The following MTARC2 variants were observed in gnomAD, a reference collection of about 807,000 sequenced individuals.
The protein encoded by MTARC2 is MOCO sulphurase C-terminal domain containing 2.
In MTARC2, 27 loss-of-function variants were observed where a neutral mutation model predicts 35.6. The observed-to-expected ratio is 0.76, with a 90% CI of 0.56 to 1.04. The LOEUF is 1.04. Ranked by LOEUF, MTARC2 falls within the 50% of genes least tolerant of loss-of-function variation. MTARC2 has a pLI of 0.00. For synonymous variants in MTARC2, 158 were observed against 167.1 expected (o/e 0.95, Z 0.42); for missense variants, 412 against 432.5 (o/e 0.95, Z 0.42).
At chr1:220,781,259 T>C (rs1434792209) in intron 6 of MTARC2, among the ~76,000 whole-genome samples, 1 of 152,218 alleles carries the variant, frequency 6.6e-6, no homozygotes, top group African/African-American at 2.4e-5. Context: ...AGTTATTGTT[T>C]TCTTTAGACA....
At chr1:220,748,861 G>GA (rs1327481323) in intron 1 of MTARC2, 58 bp downstream of exon 1, 2 of 1,484,776 alleles carry the variant, frequency 1.3e-6, no homozygotes, top group Admixed American at 2.3e-5. Context: ...AGGAGCGGGG[G>GA]GGCAGGTGGG....
At chr1:220,751,057 CTG>C (rs1671111912) in intron 1 of MTARC2, among the ~76,000 whole-genome samples, 1 of 152,172 alleles carries the variant, frequency 6.6e-6, no homozygotes, top group Non-Finnish European at 1.5e-5. Context: ...GGAGAGAACT[CTG>C]TTTGATAGCC....
At chr1:220,780,313 T>C (rs901749207) in intron 6 of MTARC2, 74 bp downstream of exon 6, 56 of 1,330,598 alleles carry the variant, frequency 4.2e-5, no homozygotes, top group Non-Finnish European at 5.6e-5. Flanking sequence ...TTAGGTGCTA[T>C]GTCTGCTTTA....
At chr1:220,750,109 G>C (rs774349442) in intron 1 of MTARC2, among the ~76,000 whole-genome samples, 2 of 152,156 alleles carry the variant, frequency 1.3e-5, no homozygotes, top group Non-Finnish European at 2.9e-5. Flanking sequence ...GCCAACTCGT[G>C]TAGAATGTTT....
chr1:220,758,794 A>T (rs756873575), intron 2 of MTARC2, among the ~76,000 whole-genome samples: 3 of 151,968 alleles, frequency 2.0e-5, no homozygotes, highest in Non-Finnish European at 4.4e-5. Context: ...CCTATATTGA[A>T]TTTGTGGTTC....
rs1572287034 is a variant in MTARC2, at chr1:220,748,512, G to T, written c.-20G>T. ...CGCTGCCGGGTCTGTGCGCCGGTCC[G>T]CGCCCGCCCTCGCTCTGCCATGGGC... On this transcript the variant is annotated 5_prime_UTR_variant, in exon 1 of 8. Coordinates refer to ENST00000366913, the MANE Select transcript of MTARC2 (RefSeq NM_017898.5). The T allele has an allele frequency of 2.2e-6, 3 of 1,378,118 alleles. No individual in the cohort carries two copies. Among genetic ancestry groups the T allele is most frequent in the Non-Finnish European group, 2.8e-6 (3 of 1,076,692 alleles). The allele number at this position is 1,378,118 out of a possible 1,614,324, so 85.4% of individuals were successfully genotyped here. A position where few individuals can be genotyped will look rare whatever the true frequency, so the allele number is the denominator to read the frequency against.
chr1:220,782,669 C>T lies in MTARC2; in HGVS notation c.*31+737C>T, dbSNP rs72473907. Among the ~76,000 whole-genome samples, 318 of 152,314 alleles carry T rather than the reference C, an allele frequency of 2.1e-3. 2 individuals carry two copies. Among genetic ancestry groups the T allele is most frequent in the East Asian group, 0.019 (100 of 5,186 alleles). On this transcript the variant is annotated intron_variant, in intron 7 of 7. Coordinates refer to ENST00000366913, the MANE Select transcript of MTARC2 (RefSeq NM_017898.5). ...CTCTGATTCTGGCCTGAGCTTCTCA[C>T]GTGTGTTACTTGCCTTTGTAGTCTT...
chr1:220,754,894 G>A, intron 1 of MTARC2, 53 bp from the exon 2 acceptor site: 1 of 1,496,978 alleles, frequency 6.7e-7, no homozygotes, highest in Non-Finnish European at 9.0e-7. Flanking sequence ...GAGGGAAGCT[G>A]TTGGGAGGTG....
intron 4 of MTARC2, 86 bp downstream of exon 4, chr1:220,763,136 A>G: frequency 6.4e-7 from 1 of 1,573,470 alleles, no homozygotes; most frequent in Non-Finnish European, 8.7e-7. Flanking sequence ...GAGCCAACTC[A>G]GATCCGCCAG....
rs372977549 is a variant in MTARC2, at chr1:220,780,348, G to T, written c.884+109G>T. ...AGGGAAGATATGACCTTTCTCTCCGGAGAACCTTCCAGTCTACCTTCTGAC... is the reference window on the plus strand; with the variant it reads ...AGGGAAGATATGACCTTTCTCTCCGTAGAACCTTCCAGTCTACCTTCTGAC... On this transcript the variant is annotated intron_variant, in intron 6 of 7. Transcript: ENST00000366913. The T allele has an allele frequency of 1.1e-5, 10 of 923,674 alleles. No homozygotes were observed. The African/African-American group carries it at 1.4e-4, about 13-fold the overall frequency. The allele number at this position is 923,674 out of a possible 1,614,324, so 57.2% of individuals were successfully genotyped here.
chr1:220,755,162 G>T (rs1168448003), intron 2 of MTARC2, 42 bp downstream of exon 2: 1 of 1,547,526 alleles, frequency 6.5e-7, no homozygotes, highest in Non-Finnish European at 8.7e-7. Flanking sequence ...AACAGGCTTG[G>T]TTTCTCTTCA....
intron 4 of MTARC2, chr1:220,770,426 C>T (rs972290022): frequency 2.0e-6 from 2 of 985,182 alleles, no homozygotes; most frequent in Non-Finnish European, 2.4e-6. Flanking sequence ...CGCGGTATTC[C>T]CCTCGAGTGA....
chr1:220,761,904 T>C, intron 3 of MTARC2, 84 bp downstream of exon 3: 1 of 1,337,910 alleles, frequency 7.5e-7, no homozygotes, highest in African/African-American at 1.5e-5. Context: ...AGAGCCTCTC[T>C]TGGGACCTCA....
At chr1:220,770,582 C>A in intron 4 of MTARC2, 2 of 983,944 alleles carry the variant, frequency 2.0e-6, no homozygotes, top group Non-Finnish European at 2.4e-6. Context: ...TCTCAGAGAC[C>A]ATGACCCCCC....
At chr1:220,755,738 T>C (rs779965426) in intron 2 of MTARC2, among the ~76,000 whole-genome samples, 5 of 152,184 alleles carry the variant, frequency 3.3e-5, no homozygotes, top group Non-Finnish European at 5.9e-5. Flanking sequence ...CATCAGTCTA[T>C]TATTTCTAGG....
chr1:220,756,991 C>T (rs952042669), intron 2 of MTARC2, among the ~76,000 whole-genome samples: 1 of 152,256 alleles, frequency 6.6e-6, no homozygotes, highest in African/African-American at 2.4e-5. Context: ...CAACCTCCAC[C>T]TCCCAGGTTC....
At chr1:220,772,940 G>T (rs1439657105) in intron 4 of MTARC2, among the ~76,000 whole-genome samples, 1 of 152,156 alleles carries the variant, frequency 6.6e-6, no homozygotes, top group Non-Finnish European at 1.5e-5. Context: ...TTCGTCTCTG[G>T]TTCCTGGCAC....
intron 4 of MTARC2, among the ~76,000 whole-genome samples, chr1:220,765,545 C>T (rs1240074428): frequency 2.0e-5 from 3 of 152,160 alleles, no homozygotes; most frequent in Non-Finnish European, 4.4e-5. Flanking sequence ...ACAGAAATAC[C>T]AAGGCCAGGC....
At chr1:220,762,600 T>A (rs1453976862) in intron 3 of MTARC2, among the ~76,000 whole-genome samples, 1 of 152,160 alleles carries the variant, frequency 6.6e-6, no homozygotes, top group Non-Finnish European at 1.5e-5. Flanking sequence ...TGGCAGCAGG[T>A]CCTCGCTGTT....
Sources: allele counts gnomAD v4.1 joint callset (sites outside exome capture counted in the v4.1 genomes callset), GRCh38; gene constraint gnomAD v4.1.1; transcripts MANE v1.5; gene names NCBI Gene and HGNC (gene_info 2026-07-23, HGNC 2026-07-21).